Variants in LYN observed in about 807,000 individuals in gnomAD.
LYN encodes the protein tyrosine-protein kinase Lyn.
In LYN, 12 loss-of-function variants were observed where a neutral mutation model predicts 65.0. That is an observed-to-expected ratio of 0.18 (90% CI 0.12 to 0.30). The LOEUF (loss-of-function observed/expected upper bound fraction) is 0.30. Among genes scored for constraint, LYN ranks in the 10% least tolerant of loss-of-function variants. LYN has a pLI of 1.00. For missense variants in LYN, 380 were observed against 623.2 expected, an observed-to-expected ratio of 0.61 and a Z score of 4.16; for synonymous variants, 222 against 221.2, an observed-to-expected ratio of 1.00 and a Z score of -0.03.
chr8:55,882,131 G>A (rs759091791), intron 1 of LYN, among the ~76,000 whole-genome samples: 1 of 152,128 alleles, frequency 6.6e-6, no homozygotes, highest in Non-Finnish European at 1.5e-5. Flanking sequence ...ACTCAGCACC[G>A]CTCTTCTCTA....
intron 10 of LYN, among the ~76,000 whole-genome samples, chr8:55,972,705 A>G (rs1023416691): frequency 3.9e-5 from 6 of 152,240 alleles, no homozygotes; most frequent in African/African-American, 1.4e-4. Context: ...TCCATAGTGC[A>G]TAACATGACA....
intron 1 of LYN, among the ~76,000 whole-genome samples, chr8:55,899,463 C>T (rs1404245500): frequency 6.6e-6 from 1 of 152,130 alleles, no homozygotes; most frequent in African/African-American, 2.4e-5. Context: ...TATACATTAA[C>T]ATAAATGTAA....
chr8:55,965,591 G>A (rs978805841), intron 8 of LYN, among the ~76,000 whole-genome samples: 5 of 152,134 alleles, frequency 3.3e-5, no homozygotes, highest in Admixed American at 1.3e-4. Flanking sequence ...AAAATCGCTC[G>A]TAATCACACC....
In LYN at chr8:55,946,976, A is replaced by T. The variant is rs1264692689; in HGVS notation, c.178+483A>T. On this transcript the variant is annotated intron_variant, in intron 3 of 12. Transcript: ENST00000519728. Reference sequence around the variant, plus strand: ...GTAAGTATATGCCCTGGCCGGGTGCAGTGGCTCACACCTGTAATCCCAGCA... The same window carrying T: ...GTAAGTATATGCCCTGGCCGGGTGCTGTGGCTCACACCTGTAATCCCAGCA... Among the ~76,000 whole-genome samples the T allele has an allele frequency of 3.3e-5, 5 of 152,316 alleles. No individual in the cohort carries two copies. In the East Asian group the frequency reaches 9.6e-4, roughly 29 times the overall value.
At chr8:55,903,947 G>A (rs117055780) in intron 1 of LYN, among the ~76,000 whole-genome samples, 1,733 of 152,196 alleles carry the variant, frequency 0.011, 9 homozygotes, top group Non-Finnish European at 0.018. Context: ...CTTGAGCCTC[G>A]GAGGTTGCAG....
In LYN at chr8:55,911,100, C is replaced by CGT. The variant is rs1563506200; in HGVS notation, c.-5-30755_-5-30754insGT. Reference sequence around the variant, plus strand: ...ATACATACATATATATATATATATACATACACGTATATATACGTATATATA... The same window carrying CGT: ...ATACATACATATATATATATATATACGTATACACGTATATATACGTATATATA... On this transcript the variant is annotated intron_variant, in intron 1 of 12. Transcript: ENST00000519728. Among the ~76,000 whole-genome samples the CGT allele has an allele frequency of 9.4e-5, 3 of 32,000 alleles. 1 individual carries two copies. The highest frequency in any genetic ancestry group is 1.7e-4 in the Non-Finnish European group (3 of 17,902). The allele number at this position is 32,000 out of a possible 152,430, so 21.0% of individuals were successfully genotyped here. A position where few individuals can be genotyped will look rare whatever the true frequency, so the allele number is the denominator to read the frequency against.
chr8:56,002,593 A>G (rs1808547191), intron 12 of LYN, among the ~76,000 whole-genome samples: 1 of 148,608 alleles, frequency 6.7e-6, no homozygotes, highest in Admixed American at 6.6e-5. Flanking sequence ...CAGGAAGGAG[A>G]CTCCATCTCA....
intron 1 of LYN, among the ~76,000 whole-genome samples, chr8:55,935,226 A>G (rs1026337904): frequency 6.6e-6 from 1 of 152,184 alleles, no homozygotes; most frequent in Non-Finnish European, 1.5e-5. Context: ...AAACAAAAAC[A>G]AAAGCAAACT....
At chr8:55,963,591 A>G (rs1807350314) in intron 8 of LYN, among the ~76,000 whole-genome samples, 2 of 152,230 alleles carry the variant, frequency 1.3e-5, no homozygotes, top group African/African-American at 4.8e-5. Context: ...ACTTGATATT[A>G]CCAGACTTTA....
chr8:55,888,024 C>T (rs879146221), intron 1 of LYN, among the ~76,000 whole-genome samples: 32 of 152,156 alleles, frequency 2.1e-4, no homozygotes, highest in Admixed American at 1.2e-3. Flanking sequence ...ACTTGAAGGA[C>T]GCTTGATGGA....
intron 10 of LYN, among the ~76,000 whole-genome samples, chr8:55,971,146 C>T (rs1807598307): frequency 6.6e-6 from 1 of 152,166 alleles, no homozygotes; most frequent in South Asian, 2.1e-4. Flanking sequence ...CCCTGAAATG[C>T]CAACATCTAA....
chr8:55,939,352 A>G (rs187126859), intron 1 of LYN, among the ~76,000 whole-genome samples: 301 of 152,330 alleles, frequency 2.0e-3, no homozygotes, highest in African/African-American at 7.0e-3. Context: ...ACAATGGTGG[A>G]AAGAAATTAA....
intron 1 of LYN, among the ~76,000 whole-genome samples, chr8:55,885,476 C>T (rs1186906913): frequency 6.6e-6 from 1 of 152,222 alleles, no homozygotes; most frequent in African/African-American, 2.4e-5. Flanking sequence ...CCAGTCCCCG[C>T]TTTCCTCCCT....
At chr8:55,970,926 C>A (rs963221893) in intron 10 of LYN, among the ~76,000 whole-genome samples, 25 of 152,200 alleles carry the variant, frequency 1.6e-4, no homozygotes, top group African/African-American at 6.0e-4. Flanking sequence ...AGAGTCACAT[C>A]AGACACAGAT....
At chr8:56,008,481 GAA>G in intron 12 of LYN, among the ~76,000 whole-genome samples, 1 of 152,278 alleles carries the variant, frequency 6.6e-6, no homozygotes, top group African/African-American at 2.4e-5. Flanking sequence ...ACATCCTACA[GAA>G]CAGGGTATCC....
rs1808841882 is a variant in LYN, at chr8:56,012,338, G to A, written c.*2228G>A. On this transcript the variant is annotated 3_prime_UTR_variant, in exon 13 of 13. Coordinates refer to ENST00000519728, the MANE Select transcript of LYN (RefSeq NM_002350.4). The stretch of plus-strand genomic sequence containing the variant: ...TGTCATCACACCTCAGGTTATTGTA[G>A]AGAACTGGAAAGACAGAATCCATAC... 1.7e-5 allele frequency: 3 copies of A among 179,702 alleles called. 1 individual carries two copies. In the South Asian group the frequency reaches 5.9e-4, roughly 35 times the overall value. The allele number at this position is 179,702 out of a possible 1,614,324, so 11.1% of individuals were successfully genotyped here.
rs57500802 is a variant in LYN at position 55,996,578 on chromosome 8, C to G, written c.1051-1768C>G. On this transcript the variant is annotated intron_variant, in intron 10 of 12. Transcript: ENST00000519728. ...CTTCTTACTTCCCTCCTTTCCTCCT[C>G]TCTCCTTGTTTCCTTCCTTCCTTCA... Among the ~76,000 whole-genome samples the G allele has an allele frequency of 1.0e-2, 1,518 of 151,848 alleles. 26 individuals carry two copies. Among genetic ancestry groups the G allele is most frequent in the African/African-American group, 0.035 (1,454 of 41,364 alleles).
At chr8:55,975,372 C>A (rs935768383) in intron 10 of LYN, among the ~76,000 whole-genome samples, 1 of 152,166 alleles carries the variant, frequency 6.6e-6, no homozygotes, top group Admixed American at 6.5e-5. Flanking sequence ...TTTGTGGGCA[C>A]CAGTGTCCTC....
chr8:55,990,950 T>C (rs1413550425), intron 10 of LYN, among the ~76,000 whole-genome samples: 1 of 152,254 alleles, frequency 6.6e-6, no homozygotes, highest in East Asian at 1.9e-4. Context: ...TTTTGTATTC[T>C]GTCCCCACTC....
Sources: allele counts gnomAD v4.1 joint callset (sites outside exome capture counted in the v4.1 genomes callset), GRCh38; gene constraint gnomAD v4.1.1; transcripts MANE v1.5; gene names NCBI Gene and HGNC (gene_info 2026-07-23, HGNC 2026-07-21).